Variants in ACBD3 observed in about 807,000 individuals in gnomAD.
ACBD3 encodes the protein acyl-CoA binding domain containing 3.
ACBD3 carries 30 observed loss-of-function variants against 66.9 expected under a neutral mutation model. The ratio of observed to expected loss-of-function variants is 0.45; its 90% confidence interval spans 0.34 to 0.61. ACBD3 has a LOEUF of 0.61. Ranked by LOEUF, ACBD3 falls within the 20% of genes least tolerant of loss-of-function variation. ACBD3 has a pLI of 0.02. For missense variants in ACBD3, 544 were observed against 664.5 expected (o/e 0.82, Z 1.99); for synonymous variants, 278 against 259.8 (o/e 1.07, Z -0.68).
At chr1:226,176,534 G>A (rs1351127140) in intron 1 of ACBD3, among the ~76,000 whole-genome samples, 3 of 151,460 alleles carry the variant, frequency 2.0e-5, no homozygotes, top group African/African-American at 4.9e-5. Flanking sequence ...CCTACAGAAC[G>A]GTAACAGTGT....
At chr1:226,174,671 C>A (rs947148712) in intron 1 of ACBD3, among the ~76,000 whole-genome samples, 34 of 152,202 alleles carry the variant, frequency 2.2e-4, no homozygotes, top group African/African-American at 7.2e-4. Context: ...GAGGCTGAGG[C>A]AGGAGAATCG....
intron 1 of ACBD3, among the ~76,000 whole-genome samples, chr1:226,173,534 A>G (rs932036587): frequency 3.3e-5 from 5 of 151,792 alleles, no homozygotes; most frequent in Non-Finnish European, 2.9e-5. Context: ...GCTAACCCCA[A>G]CCACTTTCGG....
chr1:226,178,827 CT>C (rs1362404559), intron 1 of ACBD3, among the ~76,000 whole-genome samples: 1 of 152,148 alleles, frequency 6.6e-6, no homozygotes, highest in Non-Finnish European at 1.5e-5. Context: ...CTAACCTATG[CT>C]TGAATACTTC....
chr1:226,172,689 A>C (rs1655863060), intron 1 of ACBD3, among the ~76,000 whole-genome samples: 1 of 152,174 alleles, frequency 6.6e-6, no homozygotes. Context: ...TCACACCTCT[A>C]ATCCCAACAC....
chr1:226,149,565 G>A (rs1395319266), intron 7 of ACBD3, among the ~76,000 whole-genome samples: 1 of 43,728 alleles, frequency 2.3e-5, no homozygotes, highest in Admixed American at 2.8e-4. Flanking sequence ...TTTTGAGATG[G>A]GGTCTGGCTC....
At chr1:226,147,179 C>G (rs542180145) in intron 7 of ACBD3, among the ~76,000 whole-genome samples, 1 of 152,322 alleles carries the variant, frequency 6.6e-6, no homozygotes, top group East Asian at 1.9e-4. Flanking sequence ...CGTGAGCCAC[C>G]GTGCCCAGCC....
chr1:226,149,127 G>A (rs867680350), intron 7 of ACBD3, among the ~76,000 whole-genome samples: 1 of 152,120 alleles, frequency 6.6e-6, no homozygotes, highest in Non-Finnish European at 1.5e-5. Flanking sequence ...GTTCAGACTA[G>A]GCAGTAACCA....
chr1:226,159,904 CAGTA>C (rs1659738740), intron 4 of ACBD3, among the ~76,000 whole-genome samples: 1 of 152,074 alleles, frequency 6.6e-6, no homozygotes, highest in Admixed American at 6.5e-5. Flanking sequence ...ACATAAAAAA[CAGTA>C]AGAGGCAGAA....
chr1:226,161,564 A>C lies in ACBD3; in HGVS notation c.695T>G (p.Ile232Arg). 1.2e-6 allele frequency: 2 copies of C among 1,613,942 alleles called. No individual in the cohort carries two copies. The highest frequency in any genetic ancestry group is 1.7e-6 in the Non-Finnish European group (2 of 1,179,984). Reference sequence around the variant, plus strand: ...CTCCAACCGAAGCCTTTCTTCTTCTATCCGTCTCCTTTCCTCTTCCTCCCG... The same window carrying C: ...CTCCAACCGAAGCCTTTCTTCTTCTCTCCGTCTCCTTTCCTCTTCCTCCCG... ...LRREEEERRR[I>R]EEERLRLEQQ... The change falls in exon 4 of 8, where the codon ATA (isoleucine) becomes AGA (arginine). Residue 232 changes from isoleucine (I) to arginine (R), a missense_variant. Physicochemically the swap from Ile to Arg is moderately conservative, Grantham distance 97. Around this residue, in one of 3 missense-constraint regions of ACBD3, gnomAD observed 383 missense variants for 462.4 expected, o/e 0.83. Transcript: ENST00000366812.
At chr1:226,176,612 C>A (rs1656039741) in intron 1 of ACBD3, among the ~76,000 whole-genome samples, 1 of 152,022 alleles carries the variant, frequency 6.6e-6, no homozygotes, top group East Asian at 1.9e-4. Context: ...CCTTCTTTAA[C>A]AATAGTTGTG....
At position 226,186,741 on chromosome 1, in the gene ACBD3, T is replaced by C. The variant is rs555924201; in HGVS notation, c.-66A>G. On this transcript the variant is annotated 5_prime_UTR_variant, in exon 1 of 8. Transcript: ENST00000366812. Reference sequence around the variant, plus strand: ...CACGTATCGACTTCCTGCTGACCTCTGACCTCCGCTTACCGACACCGGAAC... The same window carrying C: ...CACGTATCGACTTCCTGCTGACCTCCGACCTCCGCTTACCGACACCGGAAC... 4.3e-6 allele frequency: 6 copies of C among 1,396,396 alleles called. No individual in the cohort carries two copies. In the East Asian group the frequency reaches 1.8e-4, roughly 43 times the overall value. 86.5% of individuals were successfully genotyped at this position (1,396,396 alleles called of 1,614,324 possible).
At position 226,145,879 on chromosome 1, in the gene ACBD3, G is replaced by C. The variant is rs1328552874; in HGVS notation, c.*731C>G. On this transcript the variant is annotated 3_prime_UTR_variant, in exon 8 of 8. Transcript: ENST00000366812. ...ACAAAAAACCTGTATTTTGCTACTA[G>C]TAGTATGAATACCAAATAAAGATAC... 2 of 152,314 alleles carry C rather than the reference G, an allele frequency of 1.3e-5. No homozygotes were observed. Among genetic ancestry groups the C allele is most frequent in the African/African-American group, 4.8e-5 (2 of 41,424 alleles). 9.4% of individuals were successfully genotyped at this position (152,314 alleles called of 1,614,324 possible).
At chr1:226,173,739 C>A (rs1166927287) in intron 1 of ACBD3, among the ~76,000 whole-genome samples, 1 of 133,284 alleles carries the variant, frequency 7.5e-6, no homozygotes, top group African/African-American at 2.9e-5. Context: ...GAATAATTTT[C>A]TTCTTTTTTT....
At chr1:226,170,675 GA>G (rs912552593) in intron 1 of ACBD3, among the ~76,000 whole-genome samples, 4 of 151,994 alleles carry the variant, frequency 2.6e-5, no homozygotes, top group Non-Finnish European at 5.9e-5. Context: ...AAGTGGATAT[GA>G]AAAAAATTTT....
chr1:226,150,840 C>T (rs1186456259), intron 7 of ACBD3, among the ~76,000 whole-genome samples: 2 of 152,094 alleles, frequency 1.3e-5, no homozygotes, highest in Non-Finnish European at 2.9e-5. Flanking sequence ...AGAATCTGGA[C>T]CTGTGGTATA....
intron 1 of ACBD3, among the ~76,000 whole-genome samples, chr1:226,167,881 C>T (rs1659905080): frequency 6.6e-6 from 1 of 152,078 alleles, no homozygotes; most frequent in Non-Finnish European, 1.5e-5. Context: ...TACCAAGACC[C>T]CCACCTCCCA....
chr1:226,177,747 AT>A (rs556844917), intron 1 of ACBD3, among the ~76,000 whole-genome samples: 5,632 of 139,046 alleles, frequency 0.041, 248 homozygotes, highest in African/African-American at 0.12. Flanking sequence ...TTGAGCCACT[AT>A]TTTTTTTTTT....
intron 5 of ACBD3, among the ~76,000 whole-genome samples, chr1:226,158,638 C>T (rs1002853377): frequency 2.0e-5 from 3 of 152,224 alleles, no homozygotes; most frequent in Admixed American, 6.5e-5. Flanking sequence ...TGTTCTTTCA[C>T]CTAAACCAAC....
chr1:226,152,499 G>A lies in ACBD3; in HGVS notation c.1211C>T (p.Thr404Ile). The stretch of plus-strand genomic sequence containing the variant: ...TTCTTCATGGGTGGGTACTCGAACA[G>A]TGACCACTTCTCCTCGGCCCACTGT... Reference protein sequence around the residue: ...VITVGRGEVVTVRVPTHEEGS... With the variant: ...VITVGRGEVVIVRVPTHEEGS... Residue 404 changes from threonine to isoleucine, a missense_variant, in exon 7 of 8, where the codon ACT becomes ATT. By Grantham distance (89) the Thr-to-Ile change is moderately conservative. This residue lies in a region of ACBD3 where 383 missense variants were observed against 462.4 expected (regional missense o/e 0.83). Transcript: ENST00000366812. The A allele has an allele frequency of 6.2e-7, 1 of 1,614,154 alleles. No homozygotes were observed. Among genetic ancestry groups the A allele is most frequent in the East Asian group, 2.2e-5 (1 of 44,886 alleles).
Sources: allele counts gnomAD v4.1 joint callset (sites outside exome capture counted in the v4.1 genomes callset), GRCh38; gene constraint gnomAD v4.1.1; regional missense constraint gnomAD v4.1.1; transcripts MANE v1.5; gene names NCBI Gene and HGNC (gene_info 2026-07-23, HGNC 2026-07-21).